Variants in ADAMTSL1 observed in about 807,000 individuals in gnomAD.
ADAMTSL1 encodes the protein ADAMTS-like protein 1.
Under a neutral mutation model 201.8 loss-of-function variants are expected in ADAMTSL1, and 126 were observed. The observed-to-expected ratio is 0.62, with a 90% CI of 0.54 to 0.72. The LOEUF (loss-of-function observed/expected upper bound fraction) is 0.72. ADAMTSL1 is among the 30% of genes least tolerant of loss of function. The pLI, the probability that ADAMTSL1 is intolerant of heterozygous loss-of-function variation, is 0.00. For missense variants in ADAMTSL1, 2,679 were observed against 2,277.8 expected (o/e 1.18, Z -3.59); for synonymous variants, 1,121 against 903.4 (o/e 1.24, Z -4.32).
chr9:18,903,995 G>T (rs1349325325), intron 26 of ADAMTSL1, among the ~76,000 whole-genome samples: 10 of 151,164 alleles, frequency 6.6e-5, no homozygotes. Flanking sequence ...GTCTCACTAT[G>T]TTGTCCAGGC....
At chr9:18,684,366 TAAA>T (rs1432322209) in intron 12 of ADAMTSL1, among the ~76,000 whole-genome samples, 1 of 152,168 alleles carries the variant, frequency 6.6e-6, no homozygotes, top group East Asian at 1.9e-4. Context: ...TTTTCCAAGG[TAAA>T]TGCTGCTCTA....
chr9:18,048,224 A>G (rs59648908), intron 1 of ADAMTSL1, among the ~76,000 whole-genome samples: 4,232 of 152,108 alleles, frequency 0.028, 91 homozygotes, highest in African/African-American at 0.065. Context: ...TTTTTCATCA[A>G]CTCACATTTT....
In ADAMTSL1 at chr9:18,058,665, C is replaced by T. The variant is rs1272041666; in HGVS notation, c.88-105197C>T. On this transcript the variant is annotated intron_variant, in intron 1 of 29. Transcript: ENST00000680146. ...TACTTTTGACCCATGAAATAGGTCT[C>T]ACTGATTCTTTCCCTAACTGAGAAG... is the stretch of plus-strand genomic sequence containing the variant. 2.6e-5 allele frequency among the ~76,000 whole-genome samples: 4 copies of T among 151,158 alleles called. No individual in the cohort carries two copies. In the East Asian group the frequency reaches 7.7e-4, roughly 29 times the overall value.
chr9:18,599,480 A>C (rs1323807462), intron 4 of ADAMTSL1, among the ~76,000 whole-genome samples: 1 of 152,094 alleles, frequency 6.6e-6, no homozygotes, highest in African/African-American at 2.4e-5. Flanking sequence ...CTATTTTTTA[A>C]TCTGGAGAAA....
chr9:18,413,074 T>G (rs1271687065), intron 2 of ADAMTSL1, among the ~76,000 whole-genome samples: 2 of 152,132 alleles, frequency 1.3e-5, no homozygotes, highest in Non-Finnish European at 2.9e-5. Flanking sequence ...TACTCTGAAC[T>G]AATTTGTGTA....
At chr9:18,249,105 C>A (rs1182108767) in intron 2 of ADAMTSL1, among the ~76,000 whole-genome samples, 1 of 152,070 alleles carries the variant, frequency 6.6e-6, no homozygotes, top group Non-Finnish European at 1.5e-5. Context: ...TGCGAGAGAA[C>A]CTTGCTTGGC....
intron 1 of ADAMTSL1, among the ~76,000 whole-genome samples, chr9:18,126,966 G>T (rs1825757209): frequency 6.6e-6 from 1 of 152,136 alleles, no homozygotes; most frequent in Non-Finnish European, 1.5e-5. Flanking sequence ...CCTTCTGCCA[G>T]CCTGGGTGGG....
At chr9:18,265,584 G>T (rs1832089923) in intron 2 of ADAMTSL1, among the ~76,000 whole-genome samples, 1 of 152,014 alleles carries the variant, frequency 6.6e-6, no homozygotes, top group South Asian at 2.1e-4. Context: ...TTAACATAAA[G>T]GTATATACCC....
chr9:18,689,114 A>G (rs1274906140), intron 13 of ADAMTSL1, among the ~76,000 whole-genome samples: 1 of 152,102 alleles, frequency 6.6e-6, no homozygotes, highest in Non-Finnish European at 1.5e-5. Context: ...GTGTACATTT[A>G]TTTGGTGGGG....
At chr9:17,953,534 C>G (rs965420253) in intron 1 of ADAMTSL1, among the ~76,000 whole-genome samples, 14 of 152,084 alleles carry the variant, frequency 9.2e-5, no homozygotes, top group African/African-American at 2.9e-4. Context: ...CATCGTCGTT[C>G]CTAAAAGCAA....
chr9:18,454,454 C>T (rs1404995792), intron 2 of ADAMTSL1, among the ~76,000 whole-genome samples: 1 of 152,098 alleles, frequency 6.6e-6, no homozygotes, highest in Non-Finnish European at 1.5e-5. Context: ...ACAGACACAC[C>T]CAGAAATAAT....
At chr9:18,585,022 A>G (rs1354027595) in intron 4 of ADAMTSL1, among the ~76,000 whole-genome samples, 3 of 152,310 alleles carry the variant, frequency 2.0e-5, no homozygotes, top group East Asian at 3.9e-4. Flanking sequence ...GTTTTTTTCT[A>G]TGAAGCACCT....
intron 4 of ADAMTSL1, among the ~76,000 whole-genome samples, chr9:18,580,401 T>C (rs1823024102): frequency 6.6e-6 from 1 of 152,202 alleles, no homozygotes; most frequent in Non-Finnish European, 1.5e-5. Context: ...GTATCAAATG[T>C]CCACCAGTTA....
rs78677062 is a variant in ADAMTSL1 at position 18,247,466 on chromosome 9, A to C, written c.207+83485A>C. ...AGGTGTAAAGTTCTCTCTCTTGTGG[A>C]GTTTACCTTGAAGGGGGTACTGAGA... On this transcript the variant is annotated intron_variant, in intron 2 of 29. Transcript: ENST00000680146. 4.8e-3 allele frequency among the ~76,000 whole-genome samples: 732 copies of C among 152,322 alleles called. 1 individual carries two copies. Among genetic ancestry groups the C allele is most frequent in the Middle Eastern group, 0.01 (3 of 294 alleles).
At chr9:18,164,539 C>T (rs1463987650) in intron 2 of ADAMTSL1, among the ~76,000 whole-genome samples, 1 of 151,620 alleles carries the variant, frequency 6.6e-6, no homozygotes, top group Non-Finnish European at 1.5e-5. Flanking sequence ...AGGCCTTTCT[C>T]TGCTTGCGAA....
At chr9:18,318,345 C>G (rs1172303964) in intron 2 of ADAMTSL1, among the ~76,000 whole-genome samples, 1 of 152,054 alleles carries the variant, frequency 6.6e-6, no homozygotes, top group Non-Finnish European at 1.5e-5. Context: ...AAACTGTGGT[C>G]TGTGTCTGGT....
rs139770497 is a variant in ADAMTSL1 at position 18,476,280 on chromosome 9, C to T, written c.63+1985C>T. 5.9e-5 allele frequency among the ~76,000 whole-genome samples: 9 copies of T among 152,164 alleles called. No individual in the cohort carries two copies. The East Asian group carries it at 1.7e-3, about 29-fold the overall frequency. ...CCTTACAATAATCATACAGATAAGA[C>T]ATTTTAAACCCGTTTTTTCAGGCAA... is the stretch of plus-strand genomic sequence containing the variant. On this transcript the variant is annotated intron_variant, in intron 1 of 28. Transcript: ENST00000380548.
chr9:17,961,586 G>A (rs1041251908), intron 1 of ADAMTSL1, among the ~76,000 whole-genome samples: 1 of 152,114 alleles, frequency 6.6e-6, no homozygotes, highest in African/African-American at 2.4e-5. Flanking sequence ...TGGTGGTGAG[G>A]TACACTTGCC....
At chr9:18,491,251 A>G (rs377009869) in intron 1 of ADAMTSL1, among the ~76,000 whole-genome samples, 1 of 152,192 alleles carries the variant, frequency 6.6e-6, no homozygotes, top group African/African-American at 2.4e-5. Flanking sequence ...AGCATTCTTG[A>G]TATTTTCTGT....
Sources: allele counts gnomAD v4.1 joint callset (sites outside exome capture counted in the v4.1 genomes callset), GRCh38; gene constraint gnomAD v4.1.1; transcripts MANE v1.5; gene names NCBI Gene and HGNC (gene_info 2026-07-23, HGNC 2026-07-21).